LRRIQ3: variants seen among roughly 807,000 people sequenced by gnomAD.
LRRIQ3 encodes the protein leucine-rich repeat and IQ domain-containing protein 3.
Under a neutral mutation model 59.3 loss-of-function variants are expected in LRRIQ3, and 75 were observed. The ratio of observed to expected loss-of-function variants is 1.26; its 90% CI spans 1.05 to 1.53. The LOEUF is 1.53. Ranked by LOEUF, LRRIQ3 falls within the 40% of genes most tolerant of loss-of-function variation. The pLI, the probability that LRRIQ3 is intolerant of heterozygous loss-of-function variation, is 0.00. For missense variants in LRRIQ3, 831 were observed against 710.0 expected (o/e 1.17, Z -1.94); for synonymous variants, 250 against 231.3 (o/e 1.08, Z -0.73).
At chr1:74,051,609 CCAAA>C (rs1161877478) in intron 6 of LRRIQ3, among the ~76,000 whole-genome samples, 1 of 152,042 alleles carries the variant, frequency 6.6e-6, no homozygotes, top group Non-Finnish European at 1.5e-5. Flanking sequence ...TTTCATCACC[CCAAA>C]CAGAAACCCC....
At position 74,026,939 on chromosome 1, in the gene LRRIQ3, T is replaced by C. The variant is rs1653532531; in HGVS notation, c.1749A>G (p.Glu583=). 6.3e-7 allele frequency: 1 copy of C among 1,582,700 alleles called. No individual in the cohort carries two copies. The highest frequency in any genetic ancestry group is 1.8e-5 in the Admixed American group (1 of 57,092). ...RSQEIYKRHC[E]EKFVMDMIAF... Reference sequence around the variant, plus strand: ...CAATCATATCCATAACAAATTTTTCTTCACAATGTCTTTTATATATTTCTT... The same window carrying C: ...CAATCATATCCATAACAAATTTTTCCTCACAATGTCTTTTATATATTTCTT... The change falls in exon 8 of 8, where the codon GAA becomes GAG. Residue 583 remains glutamate, a synonymous_variant. Coordinates refer to ENST00000354431, the MANE Select transcript of LRRIQ3 (RefSeq NM_001105659.2).
At chr1:74,099,276 A>T (rs1646495851) in intron 5 of LRRIQ3, among the ~76,000 whole-genome samples, 1 of 152,136 alleles carries the variant, frequency 6.6e-6, no homozygotes, top group African/African-American at 2.4e-5. Context: ...TACTATAAAC[A>T]CCTCTACGCA....
intron 4 of LRRIQ3, among the ~76,000 whole-genome samples, chr1:74,132,953 G>A (rs1279470918): frequency 6.6e-6 from 1 of 152,040 alleles, no homozygotes; most frequent in African/African-American, 2.4e-5. Flanking sequence ...GAAAAATTTT[G>A]CAATCTACTC....
chr1:74,170,057 C>T (rs548057485), intron 3 of LRRIQ3, among the ~76,000 whole-genome samples: 5 of 151,894 alleles, frequency 3.3e-5, no homozygotes, highest in African/African-American at 1.2e-4. Flanking sequence ...ATAAGAGTTC[C>T]TTATATAATT....
chr1:74,097,878 C>T (rs1011132888), intron 5 of LRRIQ3, among the ~76,000 whole-genome samples: 5 of 152,204 alleles, frequency 3.3e-5, no homozygotes, highest in Non-Finnish European at 4.4e-5. Context: ...CACCACCAGG[C>T]CTGCCCTAAA....
chr1:74,148,982 G>A lies in LRRIQ3; in HGVS notation c.707+6751C>T, dbSNP rs990765889. 2.6e-5 allele frequency among the ~76,000 whole-genome samples: 4 copies of A among 152,144 alleles called. No individual in the cohort carries two copies. In the East Asian group the frequency reaches 7.7e-4, roughly 29 times the overall value. On this transcript the variant is annotated intron_variant, in intron 4 of 7. Transcript: ENST00000354431. ...CCCATGGTGTTATTTTCCTCTTTTA[G>A]TCGGTTAATATAAGTGATTTTCTAA...
Position 74,109,491 on chromosome 1 carries a change from C to A in LRRIQ3, c.770G>T (p.Trp257Leu). ...EKIIRGYEAK[W>L]IYITKGYEDK... is the part of the protein sequence containing the mutation. ...TTCATACCCTTTGGTTATGTAAATC[C>A]ATTTTGCTTCATATCCTCTAATAAT... Residue 257 changes from tryptophan to leucine, a missense_variant, in exon 5 of 8, where the codon TGG becomes TTG. Coordinates refer to ENST00000354431, the MANE Select transcript of LRRIQ3 (RefSeq NM_001105659.2). The A allele has an allele frequency of 6.4e-7, 1 of 1,569,100 alleles. No individual in the cohort carries two copies. The highest frequency in any genetic ancestry group is 8.6e-7 in the Non-Finnish European group (1 of 1,161,510).
At position 74,157,815 on chromosome 1, in the gene LRRIQ3, C is replaced by T. The variant is rs557684534; in HGVS notation, c.574-1949G>A. Among the ~76,000 whole-genome samples the T allele has an allele frequency of 3.3e-5, 5 of 152,138 alleles. No individual in the cohort carries two copies. The South Asian group carries it at 1.0e-3, about 32-fold the overall frequency. ...AATCTCTACACATCCTCCAAATGAC[C>T]ACTTCTAAGTTCATAGCTTGAACAC... On this transcript the variant is annotated intron_variant, in intron 3 of 7. Transcript: ENST00000354431.
At chr1:74,197,037 T>G (rs541723798) in intron 1 of LRRIQ3, among the ~76,000 whole-genome samples, 1 of 152,248 alleles carries the variant, frequency 6.6e-6, no homozygotes, top group Admixed American at 6.5e-5. Flanking sequence ...CTTTGGTTAC[T>G]TTCACTCAAG....
intron 4 of LRRIQ3, among the ~76,000 whole-genome samples, chr1:74,137,803 T>C (rs1425702304): frequency 6.6e-6 from 1 of 151,970 alleles, no homozygotes; most frequent in Non-Finnish European, 1.5e-5. Flanking sequence ...GGCACATGGA[T>C]GAAGCTGGAA....
In LRRIQ3 at chr1:74,074,071, G is replaced by C. The variant is rs181425543; in HGVS notation, c.997+590C>G. On this transcript the variant is annotated intron_variant, in intron 6 of 7. Coordinates refer to ENST00000354431, the MANE Select transcript of LRRIQ3 (RefSeq NM_001105659.2). ...ATTTGTAATAATTATTCTGATACTT[G>C]ACAGATTTCCTGAAGGAGGTACAAT... 2.0e-4 allele frequency among the ~76,000 whole-genome samples: 30 copies of C among 152,098 alleles called. 1 individual carries two copies. The highest frequency in any genetic ancestry group is 1.8e-3 in the Admixed American group (27 of 15,274).
chr1:74,080,804 T>G (rs993259230), intron 5 of LRRIQ3, among the ~76,000 whole-genome samples: 4 of 151,652 alleles, frequency 2.6e-5, no homozygotes, highest in African/African-American at 9.7e-5. Flanking sequence ...TAACATAGTA[T>G]GCAAAGCCTT....
intron 6 of LRRIQ3, among the ~76,000 whole-genome samples, chr1:74,059,107 A>ATATGT (rs3079104): frequency 0.82 from 123,935 of 151,340 alleles, 52,517 homozygotes; most frequent in East Asian, 0.97. Context: ...TCCATAGCAG[A>ATATGT]TATGTTATTT....
intron 5 of LRRIQ3, among the ~76,000 whole-genome samples, chr1:74,078,426 G>A (rs1646233541): frequency 6.6e-6 from 1 of 151,848 alleles, no homozygotes; most frequent in South Asian, 2.1e-4. Flanking sequence ...CAGCCTGGAA[G>A]TAAATTAAGC....
intron 4 of LRRIQ3, among the ~76,000 whole-genome samples, chr1:74,117,709 T>A (rs995052113): frequency 2.0e-5 from 3 of 152,054 alleles, no homozygotes; most frequent in African/African-American, 7.2e-5. Context: ...GAAGTTGCAG[T>A]GAGCTGAGAT....
At chr1:74,049,592 C>G (rs1654302019) in intron 6 of LRRIQ3, among the ~76,000 whole-genome samples, 1 of 152,032 alleles carries the variant, frequency 6.6e-6, no homozygotes, top group Admixed American at 6.6e-5. Flanking sequence ...CTTGAGAAAC[C>G]AGGTGAATGG....
intron 4 of LRRIQ3, among the ~76,000 whole-genome samples, chr1:74,130,854 T>C (rs1240069319): frequency 6.6e-6 from 1 of 152,030 alleles, no homozygotes; most frequent in Non-Finnish European, 1.5e-5. Context: ...ATTCAAAAGA[T>C]AGCAGAAGGC....
chr1:74,198,161 C>G lies in LRRIQ3; in HGVS notation c.-166G>C. ...GGTTTTCCGGGCGCCAGCCAAGGCG[C>G]TCCGGGGGCGTGGTTACGTGGGCGA... On this transcript the variant is annotated 5_prime_UTR_variant, in exon 1 of 8. Transcript: ENST00000354431. 6.6e-7 allele frequency: 1 copy of G among 1,516,334 alleles called. No homozygotes were observed. The highest frequency in any genetic ancestry group is 2.1e-5 in the Admixed American group (1 of 48,018). 93.9% of individuals were successfully genotyped at this position (1,516,334 alleles called of 1,614,324 possible). A position where few individuals can be genotyped will look rare whatever the true frequency, so the allele number is the denominator to read the frequency against.
At chr1:74,100,919 TA>T (rs1275646847) in intron 5 of LRRIQ3, among the ~76,000 whole-genome samples, 1 of 152,106 alleles carries the variant, frequency 6.6e-6, no homozygotes, top group African/African-American at 2.4e-5. Flanking sequence ...CAAGATGGAT[TA>T]AAGACTTAAA....
Sources: gnomAD v4.1 joint callset for allele counts (sites outside exome capture counted in the v4.1 genomes callset) on GRCh38, gnomAD v4.1.1 for gene constraint, MANE v1.5 for transcripts, NCBI Gene and HGNC (gene_info 2026-07-23, HGNC 2026-07-21) for gene names.